FOXK1: variants seen among roughly 807,000 people sequenced by gnomAD.
FOXK1 encodes forkhead box protein K1.
FOXK1 carries 19 observed loss-of-function variants against 51.9 expected under a neutral mutation model. That is an observed-to-expected ratio of 0.37 (90% confidence interval 0.26 to 0.54). FOXK1 has a LOEUF of 0.54. Ranked by LOEUF, FOXK1 falls within the 20% of genes least tolerant of loss-of-function variation. The pLI, the probability that FOXK1 is intolerant of heterozygous loss-of-function variation, is 0.87. For synonymous variants in FOXK1, 537 were observed against 482.6 expected (o/e 1.11, Z -1.48); for missense variants, 870 against 1,032.7 (o/e 0.84, Z 2.16).
chr7:4,748,258 C>T lies in FOXK1; in HGVS notation c.747-6201C>T, dbSNP rs1357095134. 6.6e-6 allele frequency among the ~76,000 whole-genome samples: 1 copy of T among 152,164 alleles called. No homozygotes were observed. Among genetic ancestry groups the T allele is most frequent in the Non-Finnish European group, 1.5e-5 (1 of 68,042 alleles). On this transcript the variant is annotated intron_variant, in intron 2 of 8. Transcript: ENST00000328914. This position sits in a 1 kb window ranked among gnomAD's most constrained non-coding sequence, Gnocchi z 4.9. ...CACTTCTGTGTCTCTGAGTCGTATTCGTACGTGACTGTCTCTTGGTTTTTC... is the reference window on the plus strand; with the variant it reads ...CACTTCTGTGTCTCTGAGTCGTATTTGTACGTGACTGTCTCTTGGTTTTTC...
In FOXK1 at chr7:4,683,006, G is replaced by T. The variant is rs1201034854; in HGVS notation, c.560+138G>T. 1 of 699,814 alleles carries T rather than the reference G, an allele frequency of 1.4e-6. No homozygotes were observed. Among genetic ancestry groups the T allele is most frequent in the African/African-American group, 6.0e-5 (1 of 16,764 alleles). The allele number at this position is 699,814 out of a possible 1,614,324, so 43.4% of individuals were successfully genotyped here. A position where few individuals can be genotyped will look rare whatever the true frequency, so the allele number is the denominator to read the frequency against. ...CCCCGGCCCACCCCCGGTAACCCCC[G>T]ACCGGCCTGGACTCCGGGGTCAACC... On this transcript the variant is annotated intron_variant, in intron 1 of 8. Coordinates refer to ENST00000328914, the MANE Select transcript of FOXK1 (RefSeq NM_001037165.2). This position sits in a 1 kb window ranked among gnomAD's most constrained non-coding sequence, Gnocchi z 4.5.
At chr7:4,691,417 C>G (rs936896808) in intron 1 of FOXK1, among the ~76,000 whole-genome samples, 1 of 152,208 alleles carries the variant, frequency 6.6e-6, no homozygotes. Context: ...TCACTGCAGC[C>G]TCCGCCTCCT....
At position 4,715,135 on chromosome 7, in the gene FOXK1, C is replaced by T. The variant is rs989133935; in HGVS notation, c.561-25703C>T. 3.1e-5 allele frequency among the ~76,000 whole-genome samples: 4 copies of T among 127,260 alleles called. No homozygotes were observed. The highest frequency in any genetic ancestry group is 4.9e-5 in the Non-Finnish European group (3 of 61,404). The allele number at this position is 127,260 out of a possible 152,430, so 83.5% of individuals were successfully genotyped here. On this transcript the variant is annotated intron_variant, in intron 1 of 8. Transcript: ENST00000328914. This position sits in a 1 kb window ranked among gnomAD's most constrained non-coding sequence, Gnocchi z 4.5. The stretch of plus-strand genomic sequence containing the variant: ...GCAGCTGGAATTGTGATATAGTGCA[C>T]GGTGGAATTGTGATACGGTACATGG...
At chr7:4,719,031 A>G (rs1280617384) in intron 1 of FOXK1, among the ~76,000 whole-genome samples, 2 of 151,144 alleles carry the variant, frequency 1.3e-5, no homozygotes, top group Non-Finnish European at 2.9e-5. Flanking sequence ...CTGATCTCGA[A>G]CTCCCAACCT....
rs368446489 is a variant in FOXK1 at position 4,761,926 on chromosome 7, G to A, written c.1922-258G>A. Among the ~76,000 whole-genome samples, 24 of 152,040 alleles carry A rather than the reference G, an allele frequency of 1.6e-4. No homozygotes were observed. The highest frequency in any genetic ancestry group is 1.9e-4 in the East Asian group (1 of 5,154). ...TCTGTGTAAAGGAGTGAGGCAAGCC[G>A]TCGATGTCCAGCAGGATCTAGACAG... is the stretch of plus-strand genomic sequence containing the variant. On this transcript the variant is annotated intron_variant, in intron 8 of 8. Transcript: ENST00000328914. The surrounding 1 kb of genome is among the most constrained non-coding windows in gnomAD (Gnocchi z 6.2).
In FOXK1 at chr7:4,735,437, G is replaced by C. The variant is rs1186359490; in HGVS notation, c.561-5401G>C. Among the ~76,000 whole-genome samples the C allele has an allele frequency of 6.6e-6, 1 of 152,162 alleles. No individual in the cohort carries two copies. Among genetic ancestry groups the C allele is most frequent in the Non-Finnish European group, 1.5e-5 (1 of 68,040 alleles). ...TTCAGCGCATTCGCAGAGTTGCGCG[G>C]CCACCAAGTCAACTTCGGAACATTT... On this transcript the variant is annotated intron_variant, in intron 1 of 8. Coordinates refer to ENST00000328914, the MANE Select transcript of FOXK1 (RefSeq NM_001037165.2). This position sits in a 1 kb window ranked among gnomAD's most constrained non-coding sequence, Gnocchi z 4.7.
chr7:4,706,045 T>TATATATACGTGTATATAC (rs1562373246), intron 1 of FOXK1, among the ~76,000 whole-genome samples: 5 of 118,292 alleles, frequency 4.2e-5, no homozygotes, highest in South Asian at 2.3e-4. Flanking sequence ...TGTATATACG[T>TATATATACGTGTATATAC]GTATATATGT....
At chr7:4,705,818 G>A (rs1780083314) in intron 1 of FOXK1, among the ~76,000 whole-genome samples, 1 of 150,392 alleles carries the variant, frequency 6.6e-6, no homozygotes, top group South Asian at 2.1e-4. Flanking sequence ...TTACATGTGT[G>A]AGCCACTGCC....
At chr7:4,702,135 C>T (rs188407467) in intron 1 of FOXK1, among the ~76,000 whole-genome samples, 2 of 152,190 alleles carry the variant, frequency 1.3e-5, no homozygotes, top group East Asian at 1.9e-4. Flanking sequence ...ACTAAGAATC[C>T]GTGCTTTTCA....
rs1359649902 is a variant in FOXK1 at position 4,731,831 on chromosome 7, T to G, written c.561-9007T>G. Among the ~76,000 whole-genome samples, 1 of 152,194 alleles carries G rather than the reference T, an allele frequency of 6.6e-6. No individual in the cohort carries two copies. The highest frequency in any genetic ancestry group is 2.4e-5 in the African/African-American group (1 of 41,442). ...ATCCTTATCCTGGGCTGTTTTCCTTTGTCCTTCCAGTCCTTGTCTAATAAC... is the reference window on the plus strand; with the variant it reads ...ATCCTTATCCTGGGCTGTTTTCCTTGGTCCTTCCAGTCCTTGTCTAATAAC... On this transcript the variant is annotated intron_variant, in intron 1 of 8. Coordinates refer to ENST00000328914, the MANE Select transcript of FOXK1 (RefSeq NM_001037165.2). The surrounding 1 kb of genome is among the most constrained non-coding windows in gnomAD (Gnocchi z 5.3).
intron 2 of FOXK1, among the ~76,000 whole-genome samples, chr7:4,742,403 TAGG>T (rs1780646803): frequency 6.6e-6 from 1 of 152,060 alleles, no homozygotes; most frequent in South Asian, 2.1e-4. Context: ...CTTGCAGCTG[TAGG>T]AGAAGAAAGG....
intron 2 of FOXK1, 70 bp from the exon 3 acceptor site, chr7:4,754,389 T>G: frequency 6.4e-7 from 1 of 1,563,872 alleles, no homozygotes; most frequent in East Asian, 2.3e-5. Flanking sequence ...GGGTAGGTCC[T>G]GAAGCCCTGA....
intron 1 of FOXK1, among the ~76,000 whole-genome samples, chr7:4,695,334 A>G (rs1164105112): frequency 3.3e-5 from 5 of 152,210 alleles, no homozygotes; most frequent in African/African-American, 4.8e-5. Flanking sequence ...TTCCTTTGCA[A>G]TTCTCTTTTT....
intron 1 of FOXK1, among the ~76,000 whole-genome samples, chr7:4,692,684 G>T (rs1051079193): frequency 9.2e-5 from 14 of 152,080 alleles, no homozygotes; most frequent in African/African-American, 3.4e-4. Context: ...AAAGTGCTGG[G>T]ATTACAGGCT....
chr7:4,689,470 A>T (rs1168335719), intron 1 of FOXK1, among the ~76,000 whole-genome samples: 1 of 152,174 alleles, frequency 6.6e-6, no homozygotes, highest in Non-Finnish European at 1.5e-5. Context: ...CCCTATAAAA[A>T]CATCCGGAGA....
chr7:4,761,743 C>G lies in FOXK1; in HGVS notation c.1922-441C>G, dbSNP rs1249130377. The stretch of plus-strand genomic sequence containing the variant: ...AAGAAAACAGGGTGGAAGGAAAACC[C>G]AGATCTGCCCACTCTCTGGAGCTCA... On this transcript the variant is annotated intron_variant, in intron 8 of 8. Coordinates refer to ENST00000328914, the MANE Select transcript of FOXK1 (RefSeq NM_001037165.2). The surrounding 1 kb of genome is among the most constrained non-coding windows in gnomAD (Gnocchi z 6.2). 6.6e-6 allele frequency among the ~76,000 whole-genome samples: 1 copy of G among 152,038 alleles called. No homozygotes were observed. The highest frequency in any genetic ancestry group is 1.5e-5 in the Non-Finnish European group (1 of 68,010).
chr7:4,692,205 T>C (rs1355282741), intron 1 of FOXK1, among the ~76,000 whole-genome samples: 4 of 152,198 alleles, frequency 2.6e-5, no homozygotes, highest in Non-Finnish European at 5.9e-5. Flanking sequence ...TCTGGCTTAA[T>C]AGAAGACAGC....
Position 4,769,304 on chromosome 7 carries a change from T to C in FOXK1, c.*6840T>C, listed in dbSNP as rs1781061390. 1 of 152,316 alleles carries C rather than the reference T, an allele frequency of 6.6e-6. No individual in the cohort carries two copies. The highest frequency in any genetic ancestry group is 1.5e-5 in the Non-Finnish European group (1 of 68,032). 9.4% of individuals were successfully genotyped at this position (152,316 alleles called of 1,614,324 possible). A position where few individuals can be genotyped will look rare whatever the true frequency, so the allele number is the denominator to read the frequency against. On this transcript the variant is annotated 3_prime_UTR_variant, in exon 9 of 9. Coordinates refer to ENST00000328914, the MANE Select transcript of FOXK1 (RefSeq NM_001037165.2). This position sits in a 1 kb window ranked among gnomAD's most constrained non-coding sequence, Gnocchi z 4.1. ...TTGCTTTGGTGAAGCTGCTGAACAC[T>C]GGCTGCGGAGGGCCCCCCGCCCCCA...
chr7:4,768,130 T>TC lies in FOXK1; in HGVS notation c.*5666_*5667insC, dbSNP rs1781042374. ...CCCATTTCACTGACTTCTTTTTTTT[T>TC]TTTTTTTTTTTTTTTTTTTTGAGAC... On this transcript the variant is annotated 3_prime_UTR_variant, in exon 9 of 9. Transcript: ENST00000328914. 8.3e-6 allele frequency: 1 copy of TC among 120,284 alleles called. No individual in the cohort carries two copies. Among genetic ancestry groups the TC allele is most frequent in the East Asian group, 2.1e-4 (1 of 4,714 alleles). 7.5% of individuals were successfully genotyped at this position (120,284 alleles called of 1,614,324 possible).
Sources: allele counts gnomAD v4.1 joint callset (sites outside exome capture counted in the v4.1 genomes callset), GRCh38; gene constraint gnomAD v4.1.1; non-coding constraint Gnocchi (gnomAD v3.1); transcripts MANE v1.5; gene names NCBI Gene and HGNC (gene_info 2026-07-23, HGNC 2026-07-21).